CDYL: variants seen among roughly 807,000 people sequenced by gnomAD.
CDYL encodes chromodomain Y like.
A neutral mutation model predicts 47.3 loss-of-function variants in CDYL; 8 were observed. The observed-to-expected ratio is 0.17, with a 90% CI of 0.10 to 0.31. The LOEUF is 0.31. Among genes scored for constraint, CDYL ranks in the 10% least tolerant of loss-of-function variants. CDYL has a pLI of 1.00. For synonymous variants in CDYL, 266 were observed against 265.0 expected (o/e 1.00, Z -0.04); for missense variants, 471 against 701.4 (o/e 0.67, Z 3.71).
At position 4,947,661 on chromosome 6, in the gene CDYL, G is replaced by A. The variant is rs571631450; in HGVS notation, c.1332+3905G>A. ...TTTCTAAACCTCTCTCTTCACCCTCGGTCTGTCCACTCCCCTCGTCACAAG... is the reference window on the plus strand; with the variant it reads ...TTTCTAAACCTCTCTCTTCACCCTCAGTCTGTCCACTCCCCTCGTCACAAG... On this transcript the variant is annotated intron_variant, in intron 5 of 6. Transcript: ENST00000397588. 9.9e-5 allele frequency among the ~76,000 whole-genome samples: 15 copies of A among 151,982 alleles called. 1 individual carries two copies. Among genetic ancestry groups the A allele is most frequent in the Non-Finnish European group, 1.5e-4 (10 of 68,014 alleles).
At chr6:4,730,883 G>T (rs1055387805) in intron 2 of CDYL, among the ~76,000 whole-genome samples, 1 of 151,948 alleles carries the variant, frequency 6.6e-6, no homozygotes, top group East Asian at 1.9e-4. Flanking sequence ...CACACATTCC[G>T]CCTTGCTCTC....
intron 3 of CDYL, among the ~76,000 whole-genome samples, chr6:4,746,973 G>T (rs1757909835): frequency 6.6e-6 from 1 of 152,008 alleles, no homozygotes; most frequent in African/African-American, 2.4e-5. Flanking sequence ...TTTCTCTCAG[G>T]GTCTTTCCTA....
intron 1 of CDYL, among the ~76,000 whole-genome samples, chr6:4,812,877 G>C (rs1759567392): frequency 6.6e-6 from 1 of 152,128 alleles, no homozygotes; most frequent in Admixed American, 6.6e-5. Context: ...AAGTTTTATA[G>C]CTGAATGTAT....
rs571294309 is a variant in CDYL, at chr6:4,883,525, T to G, written c.25-8188T>G. Among the ~76,000 whole-genome samples, 7 of 152,272 alleles carry G rather than the reference T, an allele frequency of 4.6e-5. No individual in the cohort carries two copies. In the East Asian group the frequency reaches 9.7e-4, roughly 21 times the overall value. ...CCTCTGGCTGTCTGCCCACCCATAC[T>G]CATGGCCATGGCACAGATGAGTGCC... On this transcript the variant is annotated intron_variant, in intron 1 of 6. Transcript: ENST00000397588.
intron 1 of CDYL, among the ~76,000 whole-genome samples, chr6:4,880,392 A>T (rs1262388089): frequency 6.6e-6 from 1 of 152,000 alleles, no homozygotes; most frequent in Non-Finnish European, 1.5e-5. Context: ...ATAGTATTTT[A>T]TTGTCTGGGT....
chr6:4,723,368 G>A (rs1310067838), intron 2 of CDYL, among the ~76,000 whole-genome samples: 5 of 152,084 alleles, frequency 3.3e-5, no homozygotes, highest in Non-Finnish European at 7.3e-5. Flanking sequence ...ACTGCACTGT[G>A]CTGAGCAGGA....
At chr6:4,894,902 C>CGT (rs1762161969) in intron 2 of CDYL, among the ~76,000 whole-genome samples, 6 of 138,668 alleles carry the variant, frequency 4.3e-5, no homozygotes, top group Admixed American at 6.9e-5. Context: ...TATATACACA[C>CGT]GTACGTGTGT....
intron 1 of CDYL, among the ~76,000 whole-genome samples, chr6:4,779,076 C>T (rs552990562): frequency 1.3e-5 from 2 of 152,280 alleles, no homozygotes; most frequent in South Asian, 2.1e-4. Context: ...GCTTAAAATG[C>T]CTCCCTGAAA....
chr6:4,757,389 T>A (rs922502543), intron 3 of CDYL, among the ~76,000 whole-genome samples: 1 of 152,226 alleles, frequency 6.6e-6, no homozygotes, highest in African/African-American at 2.4e-5. Context: ...TTTTTGTTAT[T>A]TCTATCATGG....
chr6:4,844,135 G>A (rs1192230504), intron 1 of CDYL, among the ~76,000 whole-genome samples: 1 of 152,160 alleles, frequency 6.6e-6, no homozygotes, highest in African/African-American at 2.4e-5. Flanking sequence ...ACCGGGCTCT[G>A]GGCTGGTACT....
rs147763595 is a variant in CDYL at position 4,827,725 on chromosome 6, G to A, written c.24+50918G>A. 3.6e-3 allele frequency among the ~76,000 whole-genome samples: 549 copies of A among 151,718 alleles called. 6 individuals are homozygous for A. Among genetic ancestry groups the A allele is most frequent in the African/African-American group, 0.012 (514 of 41,372 alleles). On this transcript the variant is annotated intron_variant, in intron 1 of 6. Coordinates refer to ENST00000397588, the MANE Select transcript of CDYL (RefSeq NM_004824.4). ...GGCTGGAGCGCAGTGGCATGATCTC[G>A]GCTCACTGAAACCTCTGTTTCCCAG...
chr6:4,845,894 A>T (rs183205401), intron 1 of CDYL, among the ~76,000 whole-genome samples: 182 of 152,300 alleles, frequency 1.2e-3, no homozygotes, highest in African/African-American at 4.1e-3. Context: ...CACGAGTTGA[A>T]TGAAAAAAAT....
intron 2 of CDYL, among the ~76,000 whole-genome samples, chr6:4,900,779 G>GTGTGTATATA: frequency 1.9e-5 from 1 of 51,706 alleles, no homozygotes; most frequent in African/African-American, 6.3e-5. Context: ...GTATACGTGT[G>GTGTGTATATA]TATATATATA....
rs567882077 is a variant in CDYL at position 4,797,554 on chromosome 6, T to C, written c.24+20747T>C. 4.6e-5 allele frequency among the ~76,000 whole-genome samples: 7 copies of C among 152,230 alleles called. 2 individuals carry two copies. The highest frequency in any genetic ancestry group is 1.7e-4 in the African/African-American group (7 of 41,534). On this transcript the variant is annotated intron_variant, in intron 1 of 6. Coordinates refer to ENST00000397588, the MANE Select transcript of CDYL (RefSeq NM_004824.4). Reference sequence around the variant, plus strand: ...GCCACCACTATCTAATACCAGAACATTTTTATCCTTTTGGAAAGAAACTCC... The same window carrying C: ...GCCACCACTATCTAATACCAGAACACTTTTATCCTTTTGGAAAGAAACTCC...
upstream of CDYL, chr6:4,773,037 A>C (rs1261823631): frequency 2.3e-6 from 1 of 431,430 alleles, no homozygotes; most frequent in Admixed American, 2.6e-5. The surrounding 1 kb of genome is among the most constrained non-coding windows in gnomAD (Gnocchi z 4.6). Context: ...TTTAGTTATC[A>C]TTCTCCCGAG....
At chr6:4,749,313 A>ATGGT (rs1203170454) in intron 3 of CDYL, among the ~76,000 whole-genome samples, 2 of 129,828 alleles carry the variant, frequency 1.5e-5, no homozygotes, top group Admixed American at 8.1e-5. Context: ...GGATAGATGG[A>ATGGT]TGGATGGATG....
chr6:4,750,755 AGTTT>A (rs902236665), intron 3 of CDYL, among the ~76,000 whole-genome samples: 11 of 152,154 alleles, frequency 7.2e-5, no homozygotes, highest in African/African-American at 2.6e-4. Flanking sequence ...TATAGACAGG[AGTTT>A]GTTATCTCAT....
At chr6:4,925,550 G>C (rs1229467313) in intron 2 of CDYL, among the ~76,000 whole-genome samples, 2 of 151,712 alleles carry the variant, frequency 1.3e-5, no homozygotes, top group African/African-American at 4.8e-5. Context: ...CGAGTAGCTG[G>C]GACTACAGGC....
At chr6:4,840,433 C>G (rs1324702665) in intron 1 of CDYL, among the ~76,000 whole-genome samples, 1 of 152,012 alleles carries the variant, frequency 6.6e-6, no homozygotes, top group Non-Finnish European at 1.5e-5. Flanking sequence ...CTATGACTTG[C>G]AGTATGTTGA....
Sources: allele counts gnomAD v4.1 joint callset (sites outside exome capture counted in the v4.1 genomes callset), GRCh38; gene constraint gnomAD v4.1.1; non-coding constraint Gnocchi (gnomAD v3.1); transcripts MANE v1.5; gene names NCBI Gene and HGNC (gene_info 2026-07-23, HGNC 2026-07-21).